The following LMO3 variants were observed in gnomAD, a reference collection of about 807,000 sequenced individuals.
LMO3 encodes LIM domain only protein 3.
LMO3 carries 2 observed loss-of-function variants against 15.8 expected under a neutral mutation model. That is an observed-to-expected ratio of 0.13 (90% CI 0.05 to 0.40). The LOEUF is 0.40. LMO3 is among the 10% of genes least tolerant of loss of function. The pLI, the probability that LMO3 is intolerant of heterozygous loss-of-function variation, is 0.99. For missense variants in LMO3, 86 were observed against 182.2 expected (o/e 0.47, Z 3.04); for synonymous variants, 62 against 63.8 (o/e 0.97, Z 0.13).
chr12:16,598,971 A>T lies in LMO3; in HGVS notation c.206+1684T>A. On this transcript the variant is annotated intron_variant, in intron 2 of 3. Transcript: ENST00000537304. The surrounding 1 kb of genome is among the most constrained non-coding windows in gnomAD (Gnocchi z 4.3). ...TAACATAAATCCACTTGAGATACTG[A>T]AATTACAAACAAATGTAAAAGTCAA... 1 of 300,104 alleles carries T rather than the reference A, an allele frequency of 3.3e-6. No individual in the cohort carries two copies. Among genetic ancestry groups the T allele is most frequent in the South Asian group, 3.0e-5 (1 of 33,052 alleles). The allele number at this position is 300,104 out of a possible 1,614,324, so 18.6% of individuals were successfully genotyped here.
intron 3 of LMO3, among the ~76,000 whole-genome samples, chr12:16,558,617 T>A (rs754188723): frequency 1.2e-4 from 18 of 152,258 alleles, no homozygotes; most frequent in African/African-American, 4.1e-4. Context: ...TGAATGAACT[T>A]ACTTTGATTC....
chr12:16,605,655 G>C (rs1170753669), intron 1 of LMO3: 9 of 1,076,482 alleles, frequency 8.4e-6, no homozygotes, highest in African/African-American at 1.6e-5. Context: ...TATGGGCTGG[G>C]AGCAAACACT....
chr12:16,563,416 T>C (rs968995455), intron 2 of LMO3, among the ~76,000 whole-genome samples: 7 of 152,210 alleles, frequency 4.6e-5, no homozygotes, highest in Non-Finnish European at 8.8e-5. Flanking sequence ...TTTCCAAACA[T>C]GACATTTGGG....
In LMO3 at chr12:16,550,519, G is replaced by A. The variant is rs550522694; in HGVS notation, c.*703C>T. 5.9e-5 allele frequency: 9 copies of A among 152,306 alleles called. No homozygotes were observed. Among genetic ancestry groups the A allele is most frequent in the Non-Finnish European group, 1.3e-4 (9 of 67,876 alleles). The allele number at this position is 152,306 out of a possible 1,614,324, so 9.4% of individuals were successfully genotyped here. On this transcript the variant is annotated 3_prime_UTR_variant, in exon 4 of 4. Transcript: ENST00000537304. ...TCTAAAAATGGCACTTTTCACGTTG[G>A]TATAAAATGAAAGTGCTTTAAGATG...
At position 16,597,064 on chromosome 12, in the gene LMO3, C is replaced by T. The variant is rs1565511691; in HGVS notation, c.206+3591G>A. On this transcript the variant is annotated intron_variant, in intron 2 of 3. Coordinates refer to ENST00000537304, the MANE Select transcript of LMO3 (RefSeq NM_018640.5). This position sits in a 1 kb window ranked among gnomAD's most constrained non-coding sequence, Gnocchi z 5.0. Reference sequence around the variant, plus strand: ...AAAGTCAGTCCTTCTCTTTCTTTAGCTAATGAGTTTCCAAAGGAGGAAAGC... The same window carrying T: ...AAAGTCAGTCCTTCTCTTTCTTTAGTTAATGAGTTTCCAAAGGAGGAAAGC... 2.0e-5 allele frequency among the ~76,000 whole-genome samples: 3 copies of T among 151,690 alleles called. No homozygotes were observed. The highest frequency in any genetic ancestry group is 4.4e-5 in the Non-Finnish European group (3 of 67,690).
upstream of LMO3, chr12:16,609,046 A>G (rs1944079808): frequency 1.3e-5 from 2 of 152,150 alleles, no homozygotes; most frequent in Admixed American, 6.5e-5. Flanking sequence ...AGGGAGAGAG[A>G]TAGAAAATAG....
At chr12:16,566,032 AT>A in intron 2 of LMO3, among the ~76,000 whole-genome samples, 4 of 84,164 alleles carry the variant, frequency 4.8e-5, no homozygotes, top group African/African-American at 8.9e-5. Context: ...ATATATATAT[AT>A]ATATATAAAA....
upstream of LMO3, chr12:16,606,442 C>T (rs779101755): frequency 1.3e-5 from 2 of 152,394 alleles, no homozygotes; most frequent in African/African-American, 2.4e-5. Flanking sequence ...AAAGGTCACT[C>T]AGTTATTAGT....
chr12:16,554,525 T>C (rs986397692), intron 3 of LMO3, among the ~76,000 whole-genome samples: 2 of 152,164 alleles, frequency 1.3e-5, no homozygotes, highest in Non-Finnish European at 2.9e-5. Context: ...TTACTGTCTT[T>C]CCCACTGACA....
chr12:16,554,259 C>T (rs1487356196), intron 3 of LMO3, among the ~76,000 whole-genome samples: 1 of 152,132 alleles, frequency 6.6e-6, no homozygotes, highest in African/African-American at 2.4e-5. Context: ...AAGAAGCCTC[C>T]ACTGGTAACA....
Position 16,551,189 on chromosome 12 carries a change from G to T in LMO3, c.*33C>A. 1 of 1,299,228 alleles carries T rather than the reference G, an allele frequency of 7.7e-7. No homozygotes were observed. Among genetic ancestry groups the T allele is most frequent in the Non-Finnish European group, 1.1e-6 (1 of 893,252 alleles). The allele number at this position is 1,299,228 out of a possible 1,614,324, so 80.5% of individuals were successfully genotyped here. A position where few individuals can be genotyped will look rare whatever the true frequency, so the allele number is the denominator to read the frequency against. On this transcript the variant is annotated 3_prime_UTR_variant, in exon 4 of 4. Transcript: ENST00000537304. ...AGCAAAAAAGATAAAAGAATGTAGT[G>T]CTTTGTATTCTTAATGGGGTGATGT... is the stretch of plus-strand genomic sequence containing the variant.
At chr12:16,561,412 A>C (rs1431110563) in intron 2 of LMO3, among the ~76,000 whole-genome samples, 1 of 152,176 alleles carries the variant, frequency 6.6e-6, no homozygotes, top group Non-Finnish European at 1.5e-5. Context: ...ACTAGGAAGC[A>C]AACTAGATGA....
chr12:16,591,544 G>GC lies in LMO3; in HGVS notation c.206+9110dup, dbSNP rs1185229672. Among the ~76,000 whole-genome samples the GC allele has an allele frequency of 7.2e-4, 3 of 4,158 alleles. No homozygotes were observed. In the Non-Finnish European group the frequency reaches 0.027, roughly 37 times the overall value. The allele number at this position is 4,158 out of a possible 152,430, so 2.7% of individuals were successfully genotyped here. ...CAGGTATTTTTGTGTTTTATTTAGTGCTTATGTCAAGGCCTTTTACAGTAC... is the reference window on the plus strand; with the variant it reads ...CAGGTATTTTTGTGTTTTATTTAGTGCCTTATGTCAAGGCCTTTTACAGTAC... On this transcript the variant is annotated intron_variant, in intron 2 of 3. Transcript: ENST00000537304. This position sits in a 1 kb window ranked among gnomAD's most constrained non-coding sequence, Gnocchi z 4.1.
In LMO3 at chr12:16,551,735, A is replaced by G. The variant is rs554187473; in HGVS notation, c.333-408T>C. 2.6e-5 allele frequency among the ~76,000 whole-genome samples: 4 copies of G among 152,162 alleles called. No individual in the cohort carries two copies. The East Asian group carries it at 7.7e-4, about 29-fold the overall frequency. On this transcript the variant is annotated intron_variant, in intron 3 of 3. Transcript: ENST00000537304. ...TGATTTCATCTCTGGCCATTTAGGC[A>G]CTTAATAAAAAAGTAAAAGGCATTA...
intron 2 of LMO3, among the ~76,000 whole-genome samples, chr12:16,568,709 A>G (rs2137413147): frequency 6.6e-6 from 1 of 152,332 alleles, no homozygotes; most frequent in Admixed American, 6.5e-5. Context: ...CACCTTTAAA[A>G]CACTTTCCTT....
chr12:16,571,605 G>A (rs1328282380), intron 2 of LMO3, among the ~76,000 whole-genome samples: 1 of 151,990 alleles, frequency 6.6e-6, no homozygotes, highest in Admixed American at 6.6e-5. Context: ...CCTGGGTTGG[G>A]TAGAAAATTA....
In LMO3 at chr12:16,604,953, A is replaced by C. The variant is rs1426440249; in HGVS notation, c.-9+1113T>G. On this transcript the variant is annotated intron_variant, in intron 1 of 3. Coordinates refer to ENST00000537304, the MANE Select transcript of LMO3 (RefSeq NM_018640.5). The surrounding 1 kb of genome is among the most constrained non-coding windows in gnomAD (Gnocchi z 5.3). ...ATTGAGCACCAAACCCAAAGGTAGAAGTAGAAGGGGGTCTCCTTGATTTCG... is the reference window on the plus strand; with the variant it reads ...ATTGAGCACCAAACCCAAAGGTAGACGTAGAAGGGGGTCTCCTTGATTTCG... 11 of 1,598,174 alleles carry C rather than the reference A, an allele frequency of 6.9e-6. No individual in the cohort carries two copies.
chr12:16,571,769 T>C (rs1407934231), intron 2 of LMO3, among the ~76,000 whole-genome samples: 2 of 152,072 alleles, frequency 1.3e-5, no homozygotes, highest in African/African-American at 2.4e-5. Context: ...TTCTTCATTC[T>C]AATCAAAGTG....
rs1454886143 is a variant in LMO3, at chr12:16,585,654, T to G, written c.206+15001A>C. Among the ~76,000 whole-genome samples, 1 of 152,172 alleles carries G rather than the reference T, an allele frequency of 6.6e-6. No individual in the cohort carries two copies. The highest frequency in any genetic ancestry group is 2.4e-5 in the African/African-American group (1 of 41,440). ...TTGAAGTCCACCCATTCCAATTATT[T>G]AAGTGATTTCATTTGAATGATGTCA... On this transcript the variant is annotated intron_variant, in intron 2 of 3. Transcript: ENST00000537304. The surrounding 1 kb of genome is among the most constrained non-coding windows in gnomAD (Gnocchi z 4.7).
Sources: gnomAD v4.1 joint callset for allele counts (sites outside exome capture counted in the v4.1 genomes callset) on GRCh38, gnomAD v4.1.1 for gene constraint, Gnocchi (gnomAD v3.1) non-coding constraint, MANE v1.5 for transcripts, NCBI Gene and HGNC (gene_info 2026-07-23, HGNC 2026-07-21) for gene names.